Variants in KANSL1L observed in about 807,000 individuals in gnomAD.
The protein encoded by KANSL1L is KAT8 regulatory NSL complex subunit 1 like.
In KANSL1L, 25 loss-of-function variants were observed where a neutral mutation model predicts 108.6. That is an observed-to-expected ratio of 0.23 (90% CI 0.17 to 0.32). KANSL1L has a LOEUF of 0.32. Among genes scored for constraint, KANSL1L ranks in the 10% least tolerant of loss-of-function variants. The probability of loss-of-function intolerance (pLI) is 1.00; values close to 1 mark genes in which losing one functional copy is unlikely to be tolerated. For synonymous variants in KANSL1L, 405 were observed against 395.1 expected (o/e 1.03, Z -0.30); for missense variants, 1,137 against 1,125.7 (o/e 1.01, Z -0.14).
intron 10 of KANSL1L, among the ~76,000 whole-genome samples, chr2:210,029,568 T>G (rs905273912): frequency 2.0e-5 from 3 of 152,130 alleles, no homozygotes; most frequent in African/African-American, 7.2e-5. Flanking sequence ...CATGATAATG[T>G]TTAAATTTTT....
intron 6 of KANSL1L, among the ~76,000 whole-genome samples, chr2:210,050,018 G>A (rs1273329232): frequency 6.6e-6 from 1 of 152,214 alleles, no homozygotes; most frequent in African/African-American, 2.4e-5. Context: ...CAAGTAGGGA[G>A]TAGCAGTCTA....
In KANSL1L at chr2:210,105,979, A is replaced by C. The variant is rs186322899; in HGVS notation, c.1231-1678T>G. On this transcript the variant is annotated intron_variant, in intron 3 of 14. Coordinates refer to ENST00000281772, the MANE Select transcript of KANSL1L (RefSeq NM_152519.4). Reference sequence around the variant, plus strand: ...AGAGTATCCATTCAAAATTTCTACAAGTCTACACACAAAAGGTACAATTTA... The same window carrying C: ...AGAGTATCCATTCAAAATTTCTACACGTCTACACACAAAAGGTACAATTTA... 1.3e-3 allele frequency among the ~76,000 whole-genome samples: 192 copies of C among 152,300 alleles called. 1 individual carries two copies. The highest frequency in any genetic ancestry group is 3.1e-3 in the Admixed American group (47 of 15,288).
chr2:210,072,504 A>AT (rs1261441706), intron 6 of KANSL1L, among the ~76,000 whole-genome samples: 1 of 152,114 alleles, frequency 6.6e-6, no homozygotes, highest in Non-Finnish European at 1.5e-5. Flanking sequence ...ATGTAAAGCA[A>AT]TTTTTCCACA....
intron 2 of KANSL1L, among the ~76,000 whole-genome samples, chr2:210,140,110 A>C (rs768336038): frequency 6.6e-6 from 1 of 152,094 alleles, no homozygotes; most frequent in African/African-American, 2.4e-5. Flanking sequence ...TATAGTTTGC[A>C]AATATTTTCT....
intron 3 of KANSL1L, among the ~76,000 whole-genome samples, chr2:210,107,841 T>C (rs1246492234): frequency 2.6e-5 from 4 of 152,094 alleles, no homozygotes; most frequent in Non-Finnish European, 5.9e-5. Context: ...CCTTCTCCTC[T>C]GAAAATTTAA....
At chr2:210,024,776 G>T (rs1404620545) in intron 13 of KANSL1L, among the ~76,000 whole-genome samples, 2 of 152,058 alleles carry the variant, frequency 1.3e-5, no homozygotes, top group African/African-American at 4.8e-5. Flanking sequence ...CTAAACTCCA[G>T]TCCCCAGTGT....
chr2:210,068,353 T>C (rs1357047983), intron 6 of KANSL1L, among the ~76,000 whole-genome samples: 1 of 152,148 alleles, frequency 6.6e-6, no homozygotes, highest in Non-Finnish European at 1.5e-5. Context: ...AAAATCTTTG[T>C]TGAATATATA....
At chr2:210,100,150 T>G (rs879504132) in intron 4 of KANSL1L, among the ~76,000 whole-genome samples, 46 of 152,244 alleles carry the variant, frequency 3.0e-4, no homozygotes, top group Non-Finnish European at 5.6e-4. Context: ...CCCACAGCAT[T>G]AGATTCTCAT....
chr2:210,138,996 G>C (rs1225151886), intron 2 of KANSL1L, among the ~76,000 whole-genome samples: 1 of 152,144 alleles, frequency 6.6e-6, no homozygotes, highest in Non-Finnish European at 1.5e-5. Flanking sequence ...CTACTGGGGA[G>C]GCTGAGGCAG....
intron 6 of KANSL1L, among the ~76,000 whole-genome samples, chr2:210,064,808 C>T (rs1212520270): frequency 2.1e-5 from 3 of 139,972 alleles, no homozygotes; most frequent in Non-Finnish European, 4.6e-5. Context: ...GACCTCATCC[C>T]TCCCCCACCA....
chr2:210,134,906 T>C (rs2095160147), intron 2 of KANSL1L, among the ~76,000 whole-genome samples: 1 of 151,802 alleles, frequency 6.6e-6, no homozygotes, highest in Non-Finnish European at 1.5e-5. Context: ...CCAATAAGAG[T>C]ACACTAACAC....
chr2:210,092,928 G>T (rs867612055), intron 5 of KANSL1L, among the ~76,000 whole-genome samples: 112 of 142,726 alleles, frequency 7.8e-4, no homozygotes, highest in Middle Eastern at 3.5e-3. Context: ...TAGGTTTTTT[G>T]TTTTTTTTTT....
chr2:210,118,185 G>T lies in KANSL1L; in HGVS notation c.1230+10846C>A, dbSNP rs1427261397. Among the ~76,000 whole-genome samples, 3 of 143,820 alleles carry T rather than the reference G, an allele frequency of 2.1e-5. No individual in the cohort carries two copies. The South Asian group carries it at 6.6e-4, about 32-fold the overall frequency. The allele number at this position is 143,820 out of a possible 152,430, so 94.4% of individuals were successfully genotyped here. ...CCATCTCAAAAAAAAAAAAAAGGAG[G>T]GGGGCGGGTGCGGTGGCTTATGCCT... On this transcript the variant is annotated intron_variant, in intron 3 of 14. Coordinates refer to ENST00000281772, the MANE Select transcript of KANSL1L (RefSeq NM_152519.4).
chr2:210,151,541 C>T (rs1161497845), intron 2 of KANSL1L: 2 of 152,136 alleles, frequency 1.3e-5, no homozygotes, highest in Non-Finnish European at 2.9e-5. Context: ...GTTGAGAAAA[C>T]AGCATATTAC....
At chr2:210,064,210 G>GT (rs1270872101) in intron 6 of KANSL1L, 1 of 152,194 alleles carries the variant, frequency 6.6e-6, no homozygotes, top group Non-Finnish European at 1.5e-5. Context: ...ATGTAGAACT[G>GT]TAAGTCCATT....
intron 3 of KANSL1L, among the ~76,000 whole-genome samples, chr2:210,104,755 C>A (rs1409131483): frequency 6.6e-6 from 1 of 152,078 alleles, no homozygotes; most frequent in Non-Finnish European, 1.5e-5. Flanking sequence ...AACATCCAAA[C>A]AACAATCTAA....
intron 2 of KANSL1L, among the ~76,000 whole-genome samples, chr2:210,142,200 T>A (rs1454151929): frequency 6.6e-6 from 1 of 152,032 alleles, no homozygotes; most frequent in East Asian, 1.9e-4. Flanking sequence ...ATTGGTTAGT[T>A]CCAATTTTCT....
At chr2:210,159,264 C>T (rs1447174601) in intron 1 of KANSL1L, among the ~76,000 whole-genome samples, 1 of 152,212 alleles carries the variant, frequency 6.6e-6, no homozygotes, top group African/African-American at 2.4e-5. Flanking sequence ...GACACAGTGA[C>T]TTTGTGTTTG....
intron 8 of KANSL1L, among the ~76,000 whole-genome samples, chr2:210,039,122 G>A (rs1046851550): frequency 6.6e-6 from 1 of 151,874 alleles, no homozygotes; most frequent in Non-Finnish European, 1.5e-5. Context: ...TTCTAAAAAT[G>A]TAATTGGCTA....
Sources: allele counts gnomAD v4.1 joint callset (sites outside exome capture counted in the v4.1 genomes callset), GRCh38; gene constraint gnomAD v4.1.1; transcripts MANE v1.5; gene names NCBI Gene and HGNC (gene_info 2026-07-23, HGNC 2026-07-21).